The following ILRUN variants were observed in gnomAD, a reference collection of about 807,000 sequenced individuals.
ILRUN encodes the protein inflammation and lipid regulator with UBA-like and NBR1-like domains.
A neutral mutation model predicts 33.8 loss-of-function variants in ILRUN; 3 were observed. The ratio of observed to expected loss-of-function variants is 0.09; its 90% confidence interval spans 0.04 to 0.23. The LOEUF (loss-of-function observed/expected upper bound fraction) is 0.23. Among genes scored for constraint, ILRUN ranks in the 10% least tolerant of loss-of-function variants. The probability of loss-of-function intolerance (pLI) is 1.00; values close to 1 mark genes in which losing one functional copy is unlikely to be tolerated. For synonymous variants in ILRUN, 124 were observed against 138.9 expected (o/e 0.89, Z 0.75); for missense variants, 210 against 375.1 (o/e 0.56, Z 3.64).
intron 1 of ILRUN, among the ~76,000 whole-genome samples, chr6:34,680,138 C>A (rs1240186319): frequency 6.6e-6 from 1 of 152,240 alleles, no homozygotes; most frequent in Non-Finnish European, 1.5e-5. Flanking sequence ...TCCATTTCCA[C>A]CCATGTGACT....
intron 4 of ILRUN, among the ~76,000 whole-genome samples, chr6:34,598,193 T>G (rs1275042079): frequency 6.6e-6 from 1 of 152,208 alleles, no homozygotes; most frequent in African/African-American, 2.4e-5. Flanking sequence ...ATTGACTGTG[T>G]AAAGCAAACA....
At chr6:34,683,328 G>C (rs1254758628) in intron 1 of ILRUN, among the ~76,000 whole-genome samples, 3 of 148,960 alleles carry the variant, frequency 2.0e-5, no homozygotes, top group Admixed American at 6.8e-5. Flanking sequence ...AATAACCACA[G>C]CTGTTTAAAG....
chr6:34,593,018 A>T (rs921294104), intron 4 of ILRUN, among the ~76,000 whole-genome samples: 73 of 151,440 alleles, frequency 4.8e-4, no homozygotes, highest in Non-Finnish European at 9.7e-4. Context: ...CCACGCGCAA[A>T]TTTTTTTTTA....
intron 1 of ILRUN, among the ~76,000 whole-genome samples, chr6:34,673,946 T>C (rs1386117516): frequency 7.4e-6 from 1 of 134,468 alleles, no homozygotes; most frequent in Non-Finnish European, 1.5e-5. Flanking sequence ...CGAAAACTGA[T>C]TTAGCCAAAT....
chr6:34,639,740 C>A (rs1762432459), intron 3 of ILRUN, among the ~76,000 whole-genome samples: 1 of 152,148 alleles, frequency 6.6e-6, no homozygotes, highest in African/African-American at 2.4e-5. Flanking sequence ...TCCTTCTGAA[C>A]CCCATATACT....
chr6:34,617,273 T>C (rs1356984699), intron 3 of ILRUN: 2 of 358,342 alleles, frequency 5.6e-6, no homozygotes, highest in African/African-American at 2.1e-5. Flanking sequence ...TCTATCATGA[T>C]TATTTTTCTA....
intron 2 of ILRUN, among the ~76,000 whole-genome samples, chr6:34,648,419 T>C (rs1762600140): frequency 6.6e-6 from 1 of 152,108 alleles, no homozygotes; most frequent in Non-Finnish European, 1.5e-5. Context: ...TCAGCTCCAT[T>C]ATGAATGGCA....
intron 4 of ILRUN, among the ~76,000 whole-genome samples, chr6:34,601,060 T>C (rs1761497000): frequency 6.6e-6 from 1 of 152,102 alleles, no homozygotes; most frequent in Non-Finnish European, 1.5e-5. Flanking sequence ...CTACATGAAG[T>C]AATGCATGTC....
At chr6:34,672,513 A>T (rs1197775938) in intron 1 of ILRUN, among the ~76,000 whole-genome samples, 1 of 152,186 alleles carries the variant, frequency 6.6e-6, no homozygotes. Flanking sequence ...CAGGAGTTCA[A>T]GACCAGTCTG....
intron 2 of ILRUN, 137 bp downstream of exon 2, chr6:34,654,488 A>T (rs1762731769): frequency 2.4e-6 from 2 of 850,650 alleles, no homozygotes; most frequent in Non-Finnish European, 3.6e-6. Flanking sequence ...ACACCAGTAC[A>T]AGAAAATACT....
At chr6:34,651,160 T>C (rs2744956) in intron 2 of ILRUN, among the ~76,000 whole-genome samples, 23,432 of 152,134 alleles carry the variant, frequency 0.15, 1,927 homozygotes, top group African/African-American at 0.19. Flanking sequence ...ATCCAATTTA[T>C]AGATTAAAAC....
chr6:34,656,389 C>T (rs538778540), intron 1 of ILRUN, among the ~76,000 whole-genome samples: 6 of 152,274 alleles, frequency 3.9e-5, no homozygotes, highest in Admixed American at 2.6e-4. Flanking sequence ...AGCAGAAGCG[C>T]GTGATTGTCA....
chr6:34,641,278 C>A (rs769925931), intron 3 of ILRUN, among the ~76,000 whole-genome samples: 1 of 152,070 alleles, frequency 6.6e-6, no homozygotes, highest in South Asian at 2.1e-4. Flanking sequence ...GCTAGTAAGC[C>A]GAGTGAGCCA....
At chr6:34,614,437 A>ATATATATATATATAT (rs1321613482) in intron 3 of ILRUN, among the ~76,000 whole-genome samples, 1 of 124,608 alleles carries the variant, frequency 8.0e-6, no homozygotes, top group African/African-American at 3.7e-5. Flanking sequence ...ATAATAAAAA[A>ATATATATATATATAT]AAAAAAATAT....
chr6:34,666,320 G>T (rs1017435511), intron 1 of ILRUN, among the ~76,000 whole-genome samples: 1 of 152,202 alleles, frequency 6.6e-6, no homozygotes, highest in Admixed American at 6.5e-5. Context: ...AGCACTTTGG[G>T]AGGCCGAGGC....
rs68021203 is a variant in ILRUN, at chr6:34,683,441, C to CAT, written c.158+13003_158+13004dup. ...ATACATATATATACATATATATATA[C>CAT]ATATATATATACATATATATACATA... On this transcript the variant is annotated intron_variant, in intron 1 of 4. Transcript: ENST00000374023. Among the ~76,000 whole-genome samples, 342 of 119,992 alleles carry CAT rather than the reference C, an allele frequency of 2.9e-3. 1 individual carries two copies. Among genetic ancestry groups the CAT allele is most frequent in the Middle Eastern group, 0.012 (3 of 244 alleles). The allele number at this position is 119,992 out of a possible 152,430, so 78.7% of individuals were successfully genotyped here.
intron 3 of ILRUN, among the ~76,000 whole-genome samples, chr6:34,629,019 G>A (rs1272169356): frequency 6.6e-6 from 1 of 152,156 alleles, no homozygotes; most frequent in Non-Finnish European, 1.5e-5. Context: ...GCTGAGGTGA[G>A]GATCATTTGT....
At chr6:34,659,258 T>A (rs1762839818) in intron 1 of ILRUN, among the ~76,000 whole-genome samples, 1 of 152,206 alleles carries the variant, frequency 6.6e-6, no homozygotes, top group Non-Finnish European at 1.5e-5. Flanking sequence ...GACAATGAAG[T>A]TAACCCGAAC....
In ILRUN at chr6:34,646,118, T is replaced by C. The variant is rs1041306365; in HGVS notation, c.511+483A>G. Among the ~76,000 whole-genome samples the C allele has an allele frequency of 2.0e-5, 3 of 151,746 alleles. No individual in the cohort carries two copies. Among genetic ancestry groups the C allele is most frequent in the Non-Finnish European group, 2.9e-5 (2 of 67,954 alleles). On this transcript the variant is annotated intron_variant, in intron 3 of 4. Coordinates refer to ENST00000374023, the MANE Select transcript of ILRUN (RefSeq NM_024294.4). This position sits in a 1 kb window ranked among gnomAD's most constrained non-coding sequence, Gnocchi z 4.9. ...ATAAAGGATAAATTGGGTTGAAGAGTGAATGGAAAATGTGAAAGAAGAGAC... is the reference window on the plus strand; with the variant it reads ...ATAAAGGATAAATTGGGTTGAAGAGCGAATGGAAAATGTGAAAGAAGAGAC...
Sources: gnomAD v4.1 joint callset for allele counts (sites outside exome capture counted in the v4.1 genomes callset) on GRCh38, gnomAD v4.1.1 for gene constraint, Gnocchi (gnomAD v3.1) non-coding constraint, MANE v1.5 for transcripts, NCBI Gene and HGNC (gene_info 2026-07-23, HGNC 2026-07-21) for gene names.